The following IDO2 variants were observed in gnomAD, a reference collection of about 807,000 sequenced individuals.
The protein encoded by IDO2 is indoleamine 2,3-dioxygenase 2.
A neutral mutation model predicts 45.1 loss-of-function variants in IDO2; 46 were observed. The ratio of observed to expected loss-of-function variants is 1.02; its 90% CI spans 0.80 to 1.30. IDO2 has a LOEUF of 1.30. Among genes scored for constraint, IDO2 ranks in the 50% most tolerant of loss-of-function variants. The pLI is 0.00. For missense variants in IDO2, 544 were observed against 491.8 expected (o/e 1.11, Z -1.00); for synonymous variants, 218 against 184.9 (o/e 1.18, Z -1.45).
intron 8 of IDO2, among the ~76,000 whole-genome samples, chr8:39,998,679 C>T (rs1458709506): frequency 7.8e-6 from 1 of 127,898 alleles, no homozygotes; most frequent in South Asian, 2.5e-4. Context: ...CTCATTCTGT[C>T]ACCCAGGCTG....
chr8:39,983,512 A>T (rs1808382877), intron 5 of IDO2, among the ~76,000 whole-genome samples: 3 of 152,310 alleles, frequency 2.0e-5, no homozygotes, highest in African/African-American at 7.2e-5. Flanking sequence ...AGAGGCGATG[A>T]TGGGAATCTA....
intron 6 of IDO2, chr8:39,986,821 T>A (rs1036953835): frequency 2.6e-5 from 4 of 151,722 alleles, no homozygotes; most frequent in Non-Finnish European, 4.4e-5. Context: ...TGGGGTTGGA[T>A]TTCCCCAATG....
intron 2 of IDO2, 80 bp from the exon 3 acceptor site, chr8:39,963,528 T>C: frequency 2.6e-6 from 2 of 776,968 alleles, no homozygotes; most frequent in Non-Finnish European, 4.2e-6. Flanking sequence ...CCCTGAAGAC[T>C]GAAATGTGAA....
chr8:39,997,631 G>A (rs781350853), intron 8 of IDO2, among the ~76,000 whole-genome samples: 10 of 152,112 alleles, frequency 6.6e-5, no homozygotes, highest in Non-Finnish European at 8.8e-5. Context: ...TTGTACTGAA[G>A]CCTGGGGACA....
At chr8:40,011,176 G>T (rs1802305256) in intron 9 of IDO2, among the ~76,000 whole-genome samples, 2 of 152,330 alleles carry the variant, frequency 1.3e-5, no homozygotes, top group Admixed American at 1.3e-4. Flanking sequence ...CTCCCAAAGT[G>T]CTGGGATTAC....
intron 2 of IDO2, among the ~76,000 whole-genome samples, chr8:39,954,649 CTTTTTTTTT>C (rs542016899): frequency 1.8e-4 from 15 of 84,730 alleles, no homozygotes; most frequent in African/African-American, 5.1e-4. Context: ...GTCTCTCTCT[CTTTTTTTTT>C]TTTTTTTTTT....
chr8:39,989,951 A>G, intron 8 of IDO2, 113 bp downstream of exon 8: 1 of 623,428 alleles, frequency 1.6e-6, no homozygotes, highest in Non-Finnish European at 2.8e-6. Context: ...ACATTCATCC[A>G]CCAGATGACG....
intron 8 of IDO2, among the ~76,000 whole-genome samples, chr8:40,000,579 A>C (rs1802120683): frequency 6.6e-6 from 1 of 152,200 alleles, no homozygotes; most frequent in Non-Finnish European, 1.5e-5. Context: ...GCACATTTTC[A>C]CCACTATATA....
At chr8:39,987,825 G>C in intron 6 of IDO2, 46 bp from the exon 7 acceptor site, 1 of 1,159,106 alleles carries the variant, frequency 8.6e-7, no homozygotes, top group Non-Finnish European at 1.3e-6. Context: ...GAGTACTCAC[G>C]GTACAGTCTC....
chr8:39,948,686 C>T (rs561886625), intron 1 of IDO2, among the ~76,000 whole-genome samples: 57 of 152,194 alleles, frequency 3.7e-4, no homozygotes, highest in African/African-American at 5.1e-4. Flanking sequence ...TAAATCTTTG[C>T]GGCAATTTCT....
exon 11 of IDO2, chr8:40,015,819 T>A (rs1802379621): frequency 5.6e-6 from 3 of 539,302 alleles, no homozygotes; most frequent in Non-Finnish European, 9.9e-6. Flanking sequence ...GATCACTGCT[T>A]AACGGCATGT....
chr8:39,988,027 C>T, intron 7 of IDO2, 57 bp downstream of exon 7: 1 of 950,422 alleles, frequency 1.1e-6, no homozygotes, highest in East Asian at 2.6e-5. Flanking sequence ...CTTTACTTCC[C>T]ACTCAGTGCC....
intron 3 of IDO2, among the ~76,000 whole-genome samples, chr8:39,975,955 T>C (rs982320304): frequency 7.2e-5 from 11 of 152,204 alleles, no homozygotes; most frequent in African/African-American, 2.7e-4. Flanking sequence ...AATTCTATTA[T>C]GTTAAGTTCA....
At chr8:39,981,218 C>T (rs111351119) in intron 4 of IDO2, among the ~76,000 whole-genome samples, 6,309 of 152,102 alleles carry the variant, frequency 0.041, 443 homozygotes, top group African/African-American at 0.14. Context: ...CCCACCACAA[C>T]GCCTGGCTAA....
In IDO2 at chr8:40,005,318, C is replaced by A; in HGVS notation, c.668-9C>A. ...TGTAGTAAAGTTCACATTTTGATTG[C>A]TTCTCCAGATTATGTAGATCCAGAC... On this transcript the variant is annotated splice_polypyrimidine_tract_variant and intron_variant, in intron 8 of 10. Coordinates refer to ENST00000502986, the Ensembl canonical transcript of IDO2. The A allele has an allele frequency of 6.4e-7, 1 of 1,565,218 alleles. No homozygotes were observed. The highest frequency in any genetic ancestry group is 8.7e-7 in the Non-Finnish European group (1 of 1,148,492).
At chr8:40,013,711 G>T in exon 10 of IDO2, 1 of 1,600,338 alleles carries the variant, frequency 6.2e-7, no homozygotes, top group Non-Finnish European at 8.5e-7. Flanking sequence ...AGCAAGGAAA[G>T]TGGTAAGTCA....
At chr8:39,965,150 C>T (rs1808066214) in intron 3 of IDO2, among the ~76,000 whole-genome samples, 1 of 152,166 alleles carries the variant, frequency 6.6e-6, no homozygotes, top group Non-Finnish European at 1.5e-5. Flanking sequence ...CCTTCTTGGC[C>T]TTTTGGCTAA....
At chr8:40,005,110 C>G (rs1182428901) in intron 8 of IDO2, among the ~76,000 whole-genome samples, 1 of 152,104 alleles carries the variant, frequency 6.6e-6, no homozygotes, top group Non-Finnish European at 1.5e-5. Context: ...CCACAAATAG[C>G]AAAGGGCAAC....
chr8:39,970,764 C>CTTT lies in IDO2; in HGVS notation c.195+7080_195+7082dup, dbSNP rs766122277. On this transcript the variant is annotated intron_variant, in intron 3 of 10. Coordinates refer to ENST00000502986, the Ensembl canonical transcript of IDO2. ...TATTGGAAGAAGATTCCAACCAGGA[C>CTTT]TTTTTTTTTTTTTTTTTTTTTGAGA... 5.5e-4 allele frequency among the ~76,000 whole-genome samples: 62 copies of CTTT among 112,434 alleles called. 1 individual carries two copies. The highest frequency in any genetic ancestry group is 1.1e-3 in the African/African-American group (31 of 26,976). 73.8% of individuals were successfully genotyped at this position (112,434 alleles called of 152,430 possible).
Sources: gnomAD v4.1 joint callset for allele counts (sites outside exome capture counted in the v4.1 genomes callset) on GRCh38, gnomAD v4.1.1 for gene constraint, MANE v1.5 for transcripts, NCBI Gene and HGNC (gene_info 2026-07-23, HGNC 2026-07-21) for gene names.